SIRPB1: variants seen among roughly 807,000 people sequenced by gnomAD.
SIRPB1 encodes signal regulatory protein beta 1.
A neutral mutation model predicts 34.1 loss-of-function variants in SIRPB1; 28 were observed. The ratio of observed to expected loss-of-function variants is 0.82; its 90% CI spans 0.61 to 1.12. SIRPB1 has a LOEUF of 1.12. Among genes scored for constraint, SIRPB1 ranks in the 50% most tolerant of loss-of-function variants. SIRPB1 has a pLI of 0.00. For missense variants in SIRPB1, 499 were observed against 507.0 expected (o/e 0.98, Z 0.15); for synonymous variants, 211 against 203.8 (o/e 1.04, Z -0.30).
Position 1,564,335 on chromosome 20 carries a change from G to A in SIRPB1, c.*1165C>T, listed in dbSNP as rs1331261949. ...TAAAGAAAAATTAATTAGGATAAGAGAAATTAGAATGCCGGGATAGAGAAA... is the reference window on the plus strand; with the variant it reads ...TAAAGAAAAATTAATTAGGATAAGAAAAATTAGAATGCCGGGATAGAGAAA... On this transcript the variant is annotated 3_prime_UTR_variant, in exon 6 of 6. Coordinates refer to ENST00000381605, the MANE Select transcript of SIRPB1 (RefSeq NM_006065.5). 1 of 152,186 alleles carries A rather than the reference G, an allele frequency of 6.6e-6. No individual in the cohort carries two copies. Among genetic ancestry groups the A allele is most frequent in the African/African-American group, 2.4e-5 (1 of 41,440 alleles). The allele number at this position is 152,186 out of a possible 1,614,324, so 9.4% of individuals were successfully genotyped here.
chr20:1,613,467 G>T (rs2091587064), intron 1 of SIRPB1, among the ~76,000 whole-genome samples: 1 of 131,524 alleles, frequency 7.6e-6, no homozygotes, highest in Non-Finnish European at 1.6e-5. Flanking sequence ...ATGCTGAGAG[G>T]TAAAGGAAAT....
At chr20:1,572,147 A>C in intron 2 of SIRPB1, 110 bp from the exon 3 acceptor site, 2 of 1,529,478 alleles carry the variant, frequency 1.3e-6, no homozygotes, top group Non-Finnish European at 1.8e-6. Context: ...AATCTTTCTA[A>C]TAATGTCGTG....
Position 1,571,043 on chromosome 20 carries a change from T to C in SIRPB1, c.846A>G (p.Leu282=). The change falls in exon 4 of 6, where the codon CTA becomes CTG. Residue 282 remains leucine (L), a synonymous_variant. Transcript: ENST00000381605. ...TTCCATTCTCCAACCAGGTCAGCTG[T>C]AGTCCCCGGGGGTAGAAATTGCTCA... is the stretch of plus-strand genomic sequence containing the variant. The part of the protein sequence containing the change: ...CQVSNFYPRG[L]QLTWLENGNV... 1 of 1,614,180 alleles carries C rather than the reference T, an allele frequency of 6.2e-7. No homozygotes were observed. The highest frequency in any genetic ancestry group is 8.5e-7 in the Non-Finnish European group (1 of 1,180,002).
At chr20:1,614,553 C>T (rs2091602833) in intron 1 of SIRPB1, among the ~76,000 whole-genome samples, 1 of 151,844 alleles carries the variant, frequency 6.6e-6, no homozygotes, top group Non-Finnish European at 1.5e-5. Flanking sequence ...CCAGGGATCC[C>T]ATCTCTCTTG....
intron 1 of SIRPB1, among the ~76,000 whole-genome samples, chr20:1,579,217 G>T (rs1291878003): frequency 6.7e-6 from 1 of 148,186 alleles, no homozygotes; most frequent in Non-Finnish European, 1.5e-5. Context: ...CTTTCAAATT[G>T]CTGGGATTAT....
Position 1,578,326 on chromosome 20 carries a change from C to A in SIRPB1, c.433+12G>T, listed in dbSNP as rs146841337. 6.3e-7 allele frequency: 1 copy of A among 1,578,314 alleles called. No individual in the cohort carries two copies. The highest frequency in any genetic ancestry group is 8.7e-7 in the Non-Finnish European group (1 of 1,152,252). Reference sequence around the variant, plus strand: ...CACACCAGGGGACAAAGGAGGCCCACGCTGTACTCACCGCGCACAGACAGC... The same window carrying A: ...CACACCAGGGGACAAAGGAGGCCCAAGCTGTACTCACCGCGCACAGACAGC... On this transcript the variant is annotated intron_variant, in intron 2 of 5. Transcript: ENST00000381605.
chr20:1,570,914 A>T lies in SIRPB1; in HGVS notation c.975T>A (p.Asp325Glu). 1 of 1,614,088 alleles carries T rather than the reference A, an allele frequency of 6.2e-7. No homozygotes were observed. The highest frequency in any genetic ancestry group is 1.1e-5 in the South Asian group (1 of 91,082). The part of the protein sequence containing the change: ...LLVNTCAHRD[D>E]VVLTCQVEHD... Reference sequence around the variant, plus strand: ...GCTCCACCTGACAGGTGAGCACCACATCGTCCCTGTGGGCACAGGTGTTCA... The same window carrying T: ...GCTCCACCTGACAGGTGAGCACCACTTCGTCCCTGTGGGCACAGGTGTTCA... The change falls in exon 4 of 6, where the codon GAT becomes GAA. Residue 325 changes from aspartate to glutamate, a missense_variant. Coordinates refer to ENST00000381605, the MANE Select transcript of SIRPB1 (RefSeq NM_006065.5).
At chr20:1,571,442 G>A (rs1280043308) in intron 3 of SIRPB1, among the ~76,000 whole-genome samples, 3 of 152,210 alleles carry the variant, frequency 2.0e-5, no homozygotes, top group Non-Finnish European at 4.4e-5. Context: ...TGAAATCGCC[G>A]AGCACATAGT....
chr20:1,579,506 G>A lies in SIRPB1; in HGVS notation c.77-812C>T, dbSNP rs566103574. The stretch of plus-strand genomic sequence containing the variant: ...CTCTGTGGATCAATTTCTCCCTTCC[G>A]GAGACCACGAGGCTCTGATAGGGCC... On this transcript the variant is annotated intron_variant, in intron 1 of 5. Transcript: ENST00000381605. Among the ~76,000 whole-genome samples, 17 of 148,502 alleles carry A rather than the reference G, an allele frequency of 1.1e-4. 2 individuals are homozygous for A. The highest frequency in any genetic ancestry group is 2.9e-4 in the African/African-American group (12 of 40,990).
At position 1,570,927 on chromosome 20, in the gene SIRPB1, G is replaced by T. The variant is rs754682510; in HGVS notation, c.962C>A (p.Ala321Asp). The T allele has an allele frequency of 6.2e-7, 1 of 1,614,176 alleles. No individual in the cohort carries two copies. The change falls in exon 4 of 6, where the codon GCC becomes GAC. Residue 321 changes from alanine (A) to aspartate (D), a missense_variant. By Grantham distance (126) the Ala-to-Asp change is moderately radical. Transcript: ENST00000381605. ...WMSWLLVNTCAHRDDVVLTCQ... is the reference protein window; with the variant it reads ...WMSWLLVNTCDHRDDVVLTCQ... ...GGTGAGCACCACATCGTCCCTGTGG[G>T]CACAGGTGTTCACCAGGAGCCAGCT...
rs143678076 is a variant in SIRPB1 at position 1,572,000 on chromosome 20, C to T, written c.471G>A (p.Val157=). Residue 157 remains valine, a synonymous_variant, in exon 3 of 6, where the codon GTG becomes GTA. Coordinates refer to ENST00000381605, the MANE Select transcript of SIRPB1 (RefSeq NM_006065.5). ...TCACTGTGTGCTCAGGTGTGGCCCT[C>T]ACCGCAGGGCCCGATACCACGGGGG... ...PSAPVVSGPA[V]RATPEHTVSF... 5.3e-4 allele frequency: 848 copies of T among 1,613,998 alleles called. 3 individuals carry two copies. The African/African-American group carries it at 6.1e-3, about 12-fold the overall frequency.
At position 1,599,674 on chromosome 20, in the gene SIRPB1, A is replaced by G. The variant is rs1395950825; in HGVS notation, c.76+20195T>C. On this transcript the variant is annotated intron_variant, in intron 1 of 5. Transcript: ENST00000381605. ...TACCCACCATAGAAACTTCACCTCC[A>G]GGGGTAGCCTCCAGACTTTCATCCA... 4.1e-5 allele frequency among the ~76,000 whole-genome samples: 2 copies of G among 48,728 alleles called. 1 individual carries two copies. 32.0% of individuals were successfully genotyped at this position (48,728 alleles called of 152,430 possible). A position where few individuals can be genotyped will look rare whatever the true frequency, so the allele number is the denominator to read the frequency against.
chr20:1,563,833 GA>G lies in SIRPB1; in HGVS notation c.*1666del, dbSNP rs1276355922. ...ATCTTATGAGAACTCACTATCACAA[GA>G]ACAGCAAGGGGGAAGTCCGCCCCCA... On this transcript the variant is annotated 3_prime_UTR_variant, in exon 6 of 6. Transcript: ENST00000381605. The G allele has an allele frequency of 2.0e-5, 3 of 152,342 alleles. No homozygotes were observed. Among genetic ancestry groups the G allele is most frequent in the African/African-American group, 7.2e-5 (3 of 41,380 alleles). The allele number at this position is 152,342 out of a possible 1,614,324, so 9.4% of individuals were successfully genotyped here.
chr20:1,619,941 G>A lies in SIRPB1; in HGVS notation c.4C>T (p.Pro2Ser), dbSNP rs1460926203. 16 of 1,613,480 alleles carry A rather than the reference G, an allele frequency of 9.9e-6. No individual in the cohort carries two copies. Among genetic ancestry groups the A allele is most frequent in the Non-Finnish European group, 1.4e-5 (16 of 1,179,578 alleles). MPVPASWPHLPS... is the reference protein window; with the variant it reads MSVPASWPHLPS... ...AGGTGGGGCCAGGAGGCTGGCACGG[G>A]CATTCTGGAGACCTTAGGAGCCTGC... The change falls in exon 1 of 6, where the codon CCC (proline) becomes TCC (serine). Residue 2 changes from proline (P) to serine (S), a missense_variant. Coordinates refer to ENST00000381605, the MANE Select transcript of SIRPB1 (RefSeq NM_006065.5).
At chr20:1,573,891 A>G (rs980547232) in intron 2 of SIRPB1, among the ~76,000 whole-genome samples, 25 of 146,566 alleles carry the variant, frequency 1.7e-4, no homozygotes, top group Non-Finnish European at 3.5e-4. Flanking sequence ...GACTGTAATC[A>G]TGAGGTTTGG....
At chr20:1,571,462 C>G (rs768189889) in intron 3 of SIRPB1, among the ~76,000 whole-genome samples, 3 of 152,196 alleles carry the variant, frequency 2.0e-5, no homozygotes, top group Admixed American at 6.5e-5. Flanking sequence ...TGATTTGGCT[C>G]CTAGTAGGTG....
In SIRPB1 at chr20:1,578,507, C is replaced by G. The variant is rs907398849; in HGVS notation, c.264G>C (p.Arg88=). ...IYNQKEGHFP[R]VTTVSELTKR... The stretch of plus-strand genomic sequence containing the variant: ...TTGTGAGTTCTGAAACAGTTGTTAC[C>G]CGTGGGAAGTGGCCTTCTTTCTGAT... Residue 88 remains arginine (R), a synonymous_variant, in exon 2 of 6, where the codon CGG becomes CGC. Transcript: ENST00000381605. 6.3e-7 allele frequency: 1 copy of G among 1,583,616 alleles called. No individual in the cohort carries two copies. Among genetic ancestry groups the G allele is most frequent in the African/African-American group, 1.4e-5 (1 of 73,766 alleles).
Position 1,605,658 on chromosome 20 carries a change from C to T in SIRPB1, c.76+14211G>A, listed in dbSNP as rs1438418442. On this transcript the variant is annotated intron_variant, in intron 1 of 5. Transcript: ENST00000381605. ...GGATCAAACACAGAAGATGCTTCCC[C>T]GAAAAAACACAGATCTATCTTTAAC... 1.7e-4 allele frequency among the ~76,000 whole-genome samples: 8 copies of T among 48,426 alleles called. 3 individuals carry two copies. Among genetic ancestry groups the T allele is most frequent in the Admixed American group, 4.1e-4 (3 of 7,266 alleles). 31.8% of individuals were successfully genotyped at this position (48,426 alleles called of 152,430 possible). A position where few individuals can be genotyped will look rare whatever the true frequency, so the allele number is the denominator to read the frequency against.
intron 1 of SIRPB1, among the ~76,000 whole-genome samples, chr20:1,618,690 C>T (rs1432240851): frequency 1.3e-5 from 2 of 152,188 alleles, no homozygotes; most frequent in East Asian, 3.9e-4. Flanking sequence ...CTGTGCCCAG[C>T]CCTGTGGTTC....
Sources: gnomAD v4.1 joint callset for allele counts (sites outside exome capture counted in the v4.1 genomes callset) on GRCh38, gnomAD v4.1.1 for gene constraint, MANE v1.5 for transcripts, NCBI Gene and HGNC (gene_info 2026-07-23, HGNC 2026-07-21) for gene names.